CLIP1: variants seen among roughly 807,000 people sequenced by gnomAD.
CLIP1 encodes CAP-Gly domain containing linker protein 1.
Under a neutral mutation model 161.6 loss-of-function variants are expected in CLIP1, and 66 were observed. The observed-to-expected ratio is 0.41, with a 90% confidence interval of 0.33 to 0.50. The LOEUF is 0.50. Ranked by LOEUF, CLIP1 falls within the 20% of genes least tolerant of loss-of-function variation. The pLI, the probability that CLIP1 is intolerant of heterozygous loss-of-function variation, is 0.27. For missense variants in CLIP1, 1,376 were observed against 1,702.0 expected, an observed-to-expected ratio of 0.81 and a Z score of 3.37; for synonymous variants, 598 against 626.2, an observed-to-expected ratio of 0.96 and a Z score of 0.67.
At chr12:122,299,136 T>C (rs1338176050) in intron 20 of CLIP1, among the ~76,000 whole-genome samples, 1 of 152,298 alleles carries the variant, frequency 6.6e-6, no homozygotes, top group Non-Finnish European at 1.5e-5. Flanking sequence ...CTTGTATCTT[T>C]AGTGCAGCCG....
intron 10 of CLIP1, chr12:122,342,978 A>T (rs547420335): frequency 6.6e-6 from 1 of 152,112 alleles, no homozygotes; most frequent in African/African-American, 2.4e-5. Flanking sequence ...TAATGTGGGT[A>T]CCAGAAAATT....
At chr12:122,417,283 C>T (rs531690612) in intron 1 of CLIP1, among the ~76,000 whole-genome samples, 27 of 151,686 alleles carry the variant, frequency 1.8e-4, no homozygotes, top group Middle Eastern at 3.4e-3. Flanking sequence ...GGGACAAAAA[C>T]AAGATTTTGT....
intron 9 of CLIP1, among the ~76,000 whole-genome samples, chr12:122,349,528 T>C (rs750994617): frequency 2.6e-5 from 4 of 152,212 alleles, no homozygotes; most frequent in Non-Finnish European, 5.9e-5. Flanking sequence ...CTGGCTGGTC[T>C]CAAACTCCTG....
At chr12:122,357,500 G>A (rs868286251) in intron 5 of CLIP1, among the ~76,000 whole-genome samples, 490 of 1,554 alleles carry the variant, frequency 0.32, 1 homozygote, top group African/African-American at 0.42. Context: ...CCATCCAGGA[G>A]GGAGGTGGGG....
At chr12:122,390,295 T>TATATAA (rs1955589335) in intron 1 of CLIP1, among the ~76,000 whole-genome samples, 1 of 132,550 alleles carries the variant, frequency 7.5e-6, no homozygotes. Context: ...TATATATATA[T>TATATAA]ATATATATGT....
chr12:122,408,006 G>A (rs1377729849), intron 1 of CLIP1, among the ~76,000 whole-genome samples: 3 of 151,722 alleles, frequency 2.0e-5, no homozygotes, highest in Admixed American at 6.6e-5. Flanking sequence ...TTGGGAGGCC[G>A]AGGCAAATCA....
intron 3 of CLIP1, among the ~76,000 whole-genome samples, chr12:122,373,345 C>T (rs1954548696): frequency 6.6e-6 from 1 of 151,854 alleles, no homozygotes; most frequent in South Asian, 2.1e-4. Flanking sequence ...ATCGCTTGAA[C>T]CCGGCAGGCA....
intron 20 of CLIP1, among the ~76,000 whole-genome samples, chr12:122,293,002 C>CAAAAAAAA (rs57326141): frequency 6.4e-4 from 28 of 43,574 alleles, no homozygotes; most frequent in African/African-American, 1.2e-3. Context: ...GACTCTGTCT[C>CAAAAAAAA]AAAAAAAAAA....
At chr12:122,283,153 C>A (rs1955713285) in intron 21 of CLIP1, among the ~76,000 whole-genome samples, 1 of 152,300 alleles carries the variant, frequency 6.6e-6, no homozygotes, top group Non-Finnish European at 1.5e-5. Flanking sequence ...ACCAAACCGG[C>A]TCCCAAATCT....
Position 122,272,761 on chromosome 12 carries a change from G to A in CLIP1, c.*114C>T. 1.2e-6 allele frequency: 1 copy of A among 859,944 alleles called. No homozygotes were observed. Among genetic ancestry groups the A allele is most frequent in the Non-Finnish European group, 1.9e-6 (1 of 530,872 alleles). 53.3% of individuals were successfully genotyped at this position (859,944 alleles called of 1,614,324 possible). On this transcript the variant is annotated 3_prime_UTR_variant, in exon 26 of 26. Coordinates refer to ENST00000620786, the MANE Select transcript of CLIP1 (RefSeq NM_001247997.2). ...ATCAAAATATTTTCCTAGATTTGTTGACGGGGTTAAAAAATAACATGAGTT... is the reference window on the plus strand; with the variant it reads ...ATCAAAATATTTTCCTAGATTTGTTAACGGGGTTAAAAAATAACATGAGTT...
At position 122,356,789 on chromosome 12, in the gene CLIP1, C is replaced by T. The variant is rs563590245; in HGVS notation, c.1006-1477G>A. The stretch of plus-strand genomic sequence containing the variant: ...AGTGCCTGCGATTGCAGGCGCGCGC[C>T]GCCACGCCTGACTGGTTTTCGTATT... On this transcript the variant is annotated intron_variant, in intron 5 of 25. Transcript: ENST00000620786. Among the ~76,000 whole-genome samples, 1,429 of 152,268 alleles carry T rather than the reference C, an allele frequency of 9.4e-3. 8 individuals carry two copies. Among genetic ancestry groups the T allele is most frequent in the African/African-American group, 0.031 (1,306 of 41,548 alleles).
chr12:122,293,881 T>C (rs1362027312), intron 20 of CLIP1, among the ~76,000 whole-genome samples: 3 of 150,378 alleles, frequency 2.0e-5, no homozygotes, highest in African/African-American at 7.4e-5. Context: ...CTCGGCTCAC[T>C]GCAAGCTCTG....
chr12:122,408,925 C>T (rs183834608), intron 1 of CLIP1, among the ~76,000 whole-genome samples: 2 of 152,108 alleles, frequency 1.3e-5, no homozygotes, highest in Admixed American at 6.6e-5. Flanking sequence ...GATTCTCCTG[C>T]GTCAGCCTCC....
At position 122,355,052 on chromosome 12, in the gene CLIP1, C is replaced by T. The variant is rs1271397940; in HGVS notation, c.1203+63G>A. 2 of 1,476,650 alleles carry T rather than the reference C, an allele frequency of 1.4e-6. No individual in the cohort carries two copies. The highest frequency in any genetic ancestry group is 4.5e-5 in the East Asian group (2 of 44,046). The allele number at this position is 1,476,650 out of a possible 1,614,324, so 91.5% of individuals were successfully genotyped here. On this transcript the variant is annotated intron_variant, in intron 6 of 25. Coordinates refer to ENST00000620786, the MANE Select transcript of CLIP1 (RefSeq NM_001247997.2). This position sits in a 1 kb window ranked among gnomAD's most constrained non-coding sequence, Gnocchi z 4.1. ...TCCTCGGTGCCAAGCACCGGGCATG[C>T]TTCTCGGCTCCTCAGTGGCTTTAGA...
rs201330075 is a variant in CLIP1, at chr12:122,341,597, T to C, written c.1607A>G (p.Asn536Ser). 131 of 1,613,878 alleles carry C rather than the reference T, an allele frequency of 8.1e-5. 1 individual carries two copies. The highest frequency in any genetic ancestry group is 2.4e-4 in the South Asian group (22 of 91,082). Reference protein sequence around the residue: ...VAELRRRLESNKPAGDVDMSL... With the variant: ...VAELRRRLESSKPAGDVDMSL... ...CATGTCCACATCCCCAGCAGGCTTA[T>C]TGGACTCTAGCCTTCTTCGGAGCTC... The change falls in exon 11 of 26, where the codon AAT becomes AGT. Residue 536 changes from asparagine (N) to serine (S), a missense_variant. By Grantham distance (46) the Asn-to-Ser change is conservative (BLOSUM62 1). Transcript: ENST00000620786.
intron 21 of CLIP1, among the ~76,000 whole-genome samples, chr12:122,282,175 T>C (rs1955673886): frequency 1.3e-5 from 2 of 152,216 alleles, no homozygotes; most frequent in African/African-American, 4.8e-5. Flanking sequence ...ACAGGATAAG[T>C]AGACTCTGGC....
chr12:122,403,488 T>C (rs1330697134), intron 1 of CLIP1, among the ~76,000 whole-genome samples: 1 of 136,526 alleles, frequency 7.3e-6, no homozygotes. Flanking sequence ...GGAGACATCA[T>C]TTCTTGTTTT....
In CLIP1 at chr12:122,341,762, C is replaced by CT. The variant is rs57202144; in HGVS notation, c.1507-66dup. On this transcript the variant is annotated intron_variant, in intron 10 of 25. Transcript: ENST00000620786. The stretch of plus-strand genomic sequence containing the variant: ...AACAAGTCATTGACTATTTTCTTTT[C>CT]TTTTTTTTTTTTTTTTTTTTTTTTT... 3.3e-4 allele frequency: 33 copies of CT among 98,628 alleles called. 4 individuals carry two copies. Among genetic ancestry groups the CT allele is most frequent in the Non-Finnish European group, 4.4e-4 (21 of 48,140 alleles). 6.1% of individuals were successfully genotyped at this position (98,628 alleles called of 1,614,324 possible).
Position 122,355,509 on chromosome 12 carries a change from C to T in CLIP1, c.1006-197G>A. ...CTGTCTATAAATCTCACAAAGAATACATCAACGTAAAGAGATCAGCCAGGT... is the reference window on the plus strand; with the variant it reads ...CTGTCTATAAATCTCACAAAGAATATATCAACGTAAAGAGATCAGCCAGGT... On this transcript the variant is annotated intron_variant, in intron 5 of 25. Transcript: ENST00000620786. This position sits in a 1 kb window ranked among gnomAD's most constrained non-coding sequence, Gnocchi z 4.1. 2 of 579,186 alleles carry T rather than the reference C, an allele frequency of 3.5e-6. No individual in the cohort carries two copies. The highest frequency in any genetic ancestry group is 3.1e-6 in the Non-Finnish European group (1 of 323,422). The allele number at this position is 579,186 out of a possible 1,614,324, so 35.9% of individuals were successfully genotyped here. A position where few individuals can be genotyped will look rare whatever the true frequency, so the allele number is the denominator to read the frequency against.
Sources: allele counts gnomAD v4.1 joint callset (sites outside exome capture counted in the v4.1 genomes callset), GRCh38; gene constraint gnomAD v4.1.1; non-coding constraint Gnocchi (gnomAD v3.1); transcripts MANE v1.5; gene names NCBI Gene and HGNC (gene_info 2026-07-23, HGNC 2026-07-21).